Variants in EXOC1 observed in about 807,000 individuals in gnomAD.
EXOC1 encodes SEC3-like 1.
EXOC1 carries 67 observed loss-of-function variants against 107.7 expected under a neutral mutation model. The ratio of observed to expected loss-of-function variants is 0.62; its 90% CI spans 0.51 to 0.76. EXOC1 has a LOEUF of 0.76. Ranked by LOEUF, EXOC1 falls within the 30% of genes least tolerant of loss-of-function variation. EXOC1 has a pLI of 0.00. For synonymous variants in EXOC1, 348 were observed against 353.5 expected, an observed-to-expected ratio of 0.98 and a Z score of 0.17; for missense variants, 833 against 1,055.7, an observed-to-expected ratio of 0.79 and a Z score of 2.92.
chr4:55,879,857 TA>T (rs1295838909), intron 9 of EXOC1, among the ~76,000 whole-genome samples: 5 of 152,280 alleles, frequency 3.3e-5, no homozygotes, highest in African/African-American at 1.2e-4. Context: ...ATATGAAGTT[TA>T]AAAATAAGAA....
At chr4:55,902,921 G>A (rs1045223906) in intron 18 of EXOC1, among the ~76,000 whole-genome samples, 2 of 151,838 alleles carry the variant, frequency 1.3e-5, no homozygotes, top group Non-Finnish European at 2.9e-5. Flanking sequence ...AAGTGGAAAC[G>A]ATACATCTCT....
chr4:55,863,064 C>A (rs1414842608), intron 3 of EXOC1, among the ~76,000 whole-genome samples: 1 of 152,036 alleles, frequency 6.6e-6, no homozygotes, highest in Non-Finnish European at 1.5e-5. Flanking sequence ...CTACACCCGG[C>A]TAATTTTTGT....
At chr4:55,873,204 A>T (rs1722598069) in intron 8 of EXOC1, among the ~76,000 whole-genome samples, 1 of 152,060 alleles carries the variant, frequency 6.6e-6, no homozygotes, top group Non-Finnish European at 1.5e-5. Context: ...GGGAAGCGAG[A>T]CAAACAAATA....
Position 55,868,361 on chromosome 4 carries a change from G to C in EXOC1, c.441G>C (p.Gln147His). 6.2e-7 allele frequency: 1 copy of C among 1,612,592 alleles called. No individual in the cohort carries two copies. The highest frequency in any genetic ancestry group is 1.1e-5 in the South Asian group (1 of 90,956). The change falls in exon 5 of 19, where the codon CAG becomes CAC. Residue 147 changes from glutamine (Q) to histidine (H), a missense_variant. Gln to His is a conservative substitution (Grantham distance 24). Coordinates refer to ENST00000381295, the MANE Select transcript of EXOC1 (RefSeq NM_001024924.2). The part of the protein sequence containing the change: ...LEESVPSGEN[Q>H]SVTGGDEEVV... ...AATCTGTTCCAAGTGGAGAAAATCAGAGTGTGACAGGAGGTGATGAAGAAG... is the reference window on the plus strand; with the variant it reads ...AATCTGTTCCAAGTGGAGAAAATCACAGTGTGACAGGAGGTGATGAAGAAG...
chr4:55,902,619 A>AG, intron 18 of EXOC1, 81 bp downstream of exon 18: 3 of 1,150,662 alleles, frequency 2.6e-6, no homozygotes, highest in African/African-American at 1.6e-5. Context: ...TAGAAATGCT[A>AG]CAGATCTAGA....
chr4:55,883,109 AAATT>A (rs1199573337), intron 9 of EXOC1: 1 of 152,176 alleles, frequency 6.6e-6, no homozygotes, highest in African/African-American at 2.4e-5. Flanking sequence ...TGTTTTAAGA[AAATT>A]AATTACTTGA....
chr4:55,891,657 C>T (rs1195468849), intron 13 of EXOC1, among the ~76,000 whole-genome samples: 4 of 151,936 alleles, frequency 2.6e-5, no homozygotes, highest in African/African-American at 4.8e-5. Flanking sequence ...TATTACAAGC[C>T]TAAATATTCT....
At chr4:55,870,625 GTTTT>G in intron 5 of EXOC1, 49 bp from the exon 6 acceptor site, 4 of 1,186,390 alleles carry the variant, frequency 3.4e-6, no homozygotes, top group Non-Finnish European at 4.8e-6. Flanking sequence ...TAACAAGTAT[GTTTT>G]TTGTTTGTTT....
At chr4:55,880,158 A>G (rs1723263111) in intron 9 of EXOC1, among the ~76,000 whole-genome samples, 2 of 152,160 alleles carry the variant, frequency 1.3e-5, no homozygotes, top group African/African-American at 2.4e-5. Flanking sequence ...ATTTTTATGT[A>G]TCAGTTTTCA....
intron 18 of EXOC1, among the ~76,000 whole-genome samples, chr4:55,903,933 C>T (rs561055191): frequency 6.6e-6 from 1 of 152,194 alleles, no homozygotes; most frequent in South Asian, 2.1e-4. Flanking sequence ...TAAAGCATTA[C>T]ATTTTATGTA....
At chr4:55,890,443 T>C in intron 12 of EXOC1, 57 bp downstream of exon 12, 1 of 1,517,682 alleles carries the variant, frequency 6.6e-7, no homozygotes, top group South Asian at 1.2e-5. Flanking sequence ...TAACAGCAGT[T>C]TGTGGTTGCT....
intron 4 of EXOC1, among the ~76,000 whole-genome samples, chr4:55,865,042 G>T (rs1042714418): frequency 1.3e-5 from 2 of 152,078 alleles, no homozygotes; most frequent in African/African-American, 2.4e-5. Flanking sequence ...GATAATAATA[G>T]TATCTACCTC....
chr4:55,870,940 C>A (rs1256517310), intron 6 of EXOC1, 35 bp downstream of exon 6: 1 of 1,553,090 alleles, frequency 6.4e-7, no homozygotes, highest in Admixed American at 1.9e-5. Flanking sequence ...CAAAAAAAAA[C>A]TAGTGATGAT....
At chr4:55,877,753 G>T in intron 8 of EXOC1, 164 bp from the exon 9 acceptor site, 2 of 983,834 alleles carry the variant, frequency 2.0e-6, no homozygotes, top group African/African-American at 3.5e-5. Context: ...GGATATAAAA[G>T]TTGTGTAAGT....
At chr4:55,864,859 GATAA>G (rs1195156755) in intron 4 of EXOC1, among the ~76,000 whole-genome samples, 4 of 152,164 alleles carry the variant, frequency 2.6e-5, no homozygotes, top group Admixed American at 2.6e-4. Context: ...ACAGCTCTGG[GATAA>G]ATACCCTTGT....
chr4:55,876,846 T>G, intron 8 of EXOC1: 12 of 985,038 alleles, frequency 1.2e-5, no homozygotes, highest in Non-Finnish European at 1.4e-5. Flanking sequence ...AATTGGGATA[T>G]ATTCTCACAT....
At chr4:55,880,071 A>G (rs1186961857) in intron 9 of EXOC1, among the ~76,000 whole-genome samples, 3 of 152,124 alleles carry the variant, frequency 2.0e-5, no homozygotes, top group African/African-American at 7.2e-5. Context: ...GAGATTTATG[A>G]AAAGTGTGAT....
intron 18 of EXOC1, among the ~76,000 whole-genome samples, chr4:55,903,015 G>A (rs1490832535): frequency 2.6e-5 from 4 of 151,838 alleles, no homozygotes; most frequent in Non-Finnish European, 5.9e-5. Flanking sequence ...ATGGTGGCAC[G>A]TGCCTGTAGT....
chr4:55,898,419 A>G (rs1725496710), intron 16 of EXOC1, among the ~76,000 whole-genome samples: 1 of 152,196 alleles, frequency 6.6e-6, no homozygotes, highest in Non-Finnish European at 1.5e-5. Context: ...AACAGTAGAG[A>G]TATTCCCTCT....
Sources: allele counts gnomAD v4.1 joint callset (sites outside exome capture counted in the v4.1 genomes callset), GRCh38; gene constraint gnomAD v4.1.1; transcripts MANE v1.5; gene names NCBI Gene and HGNC (gene_info 2026-07-23, HGNC 2026-07-21).